PCDHA11: variants seen among roughly 807,000 people sequenced by gnomAD.
PCDHA11 encodes the protein protocadherin alpha 11.
A neutral mutation model predicts 70.3 loss-of-function variants in PCDHA11; 61 were observed. The ratio of observed to expected loss-of-function variants is 0.87; its 90% CI spans 0.71 to 1.07. PCDHA11 has a LOEUF of 1.07. Ranked by LOEUF, PCDHA11 falls within the 50% of genes least tolerant of loss-of-function variation. PCDHA11 has a pLI of 0.00. For missense variants in PCDHA11, 1,324 were observed against 1,237.5 expected (o/e 1.07, Z -1.05); for synonymous variants, 633 against 555.1 (o/e 1.14, Z -1.97).
In PCDHA11 at chr5:140,870,099, C is replaced by T; in HGVS notation, c.996C>T (p.His332=). 5.0e-6 allele frequency: 8 copies of T among 1,613,912 alleles called. No individual in the cohort carries two copies. The highest frequency in any genetic ancestry group is 6.8e-6 in the Non-Finnish European group (8 of 1,179,888). The stretch of plus-strand genomic sequence containing the variant: ...AGGGGACTCCCCCAATGGCAGGTCA[C>T]TGTACAGTCTGGGTGGAAATCTTGG... The part of the protein sequence containing the change: ...TDKGTPPMAG[H]CTVWVEILDT... Residue 332 remains histidine (H), a synonymous_variant, in exon 1 of 4, where the codon CAC becomes CAT. Transcript: ENST00000398640.
chr5:140,968,979 G>A (rs782482075), intron 1 of PCDHA11: 6 of 1,614,042 alleles, frequency 3.7e-6, no homozygotes, highest in South Asian at 3.3e-5. Context: ...ACTGCGTATG[G>A]CACTGCATGC....
chr5:140,892,384 A>T (rs1313796499), intron 1 of PCDHA11, among the ~76,000 whole-genome samples: 1 of 152,162 alleles, frequency 6.6e-6, no homozygotes, highest in Non-Finnish European at 1.5e-5. Flanking sequence ...AATCATGGGT[A>T]ATCTTAATCT....
In PCDHA11 at chr5:140,882,900, T is replaced by C. The variant is rs151159619; in HGVS notation, c.2391+11406T>C. 8.7e-6 allele frequency: 14 copies of C among 1,614,106 alleles called. No individual in the cohort carries two copies. In the African/African-American group the frequency reaches 1.2e-4, roughly 14 times the overall value. The stretch of plus-strand genomic sequence containing the variant: ...GAGGAAATTCAGGAACATAGTTTAT[T>C]ACTGACAGCCAGTGATGGAGGTAAA... On this transcript the variant is annotated intron_variant, in intron 1 of 3. Transcript: ENST00000398640.
intron 1 of PCDHA11, among the ~76,000 whole-genome samples, chr5:140,972,741 G>T (rs1453484254): frequency 6.9e-6 from 1 of 145,350 alleles, no homozygotes; most frequent in Non-Finnish European, 1.5e-5. Context: ...CCGGCTCACT[G>T]CAACCTCCGC....
intron 1 of PCDHA11, among the ~76,000 whole-genome samples, chr5:140,959,063 A>G (rs190067147): frequency 2.0e-5 from 3 of 152,292 alleles, no homozygotes; most frequent in Admixed American, 2.0e-4. Flanking sequence ...TGCAGTATAT[A>G]TAGAATTCAG....
chr5:140,985,619 G>C (rs961379624), intron 3 of PCDHA11, among the ~76,000 whole-genome samples: 2 of 152,064 alleles, frequency 1.3e-5, no homozygotes, highest in African/African-American at 2.4e-5. Context: ...TGAACCAGCT[G>C]TGTATTGCTC....
intron 1 of PCDHA11, among the ~76,000 whole-genome samples, chr5:140,972,181 AC>A: frequency 6.6e-6 from 1 of 152,234 alleles, no homozygotes; most frequent in Admixed American, 6.5e-5. Flanking sequence ...TTGGCCTGTC[AC>A]CCAGGCTGGA....
intron 1 of PCDHA11, among the ~76,000 whole-genome samples, chr5:140,947,220 T>A (rs531697572): frequency 6.6e-6 from 1 of 151,686 alleles, no homozygotes; most frequent in East Asian, 1.9e-4. Flanking sequence ...ATCCTGTCAT[T>A]TATGACAGGA....
chr5:140,883,569 C>T (rs781786717), intron 1 of PCDHA11: 3 of 1,614,134 alleles, frequency 1.9e-6, no homozygotes, highest in Non-Finnish European at 2.5e-6. Flanking sequence ...GGCTCGCCTT[C>T]GCTGTGGGCC....
chr5:140,977,640 G>A (rs2096769670), intron 1 of PCDHA11, among the ~76,000 whole-genome samples: 1 of 152,124 alleles, frequency 6.6e-6, no homozygotes, highest in South Asian at 2.1e-4. Flanking sequence ...CTTTTTCTGG[G>A]CCTTGACTTT....
intron 1 of PCDHA11, among the ~76,000 whole-genome samples, chr5:140,941,259 T>TTCTTTC (rs1554214225): frequency 1.2e-3 from 146 of 121,812 alleles, no homozygotes; most frequent in African/African-American, 3.7e-3. Flanking sequence ...TTCTTTCTCT[T>TTCTTTC]TCTTTCTTTC....
chr5:140,926,424 G>A (rs894649962), intron 1 of PCDHA11: 2 of 153,468 alleles, frequency 1.3e-5, no homozygotes, highest in African/African-American at 4.8e-5. Context: ...AGAGGATGTG[G>A]AGGTTAAGAT....
intron 1 of PCDHA11, among the ~76,000 whole-genome samples, chr5:140,906,351 C>A (rs966982758): frequency 3.9e-5 from 6 of 152,128 alleles, no homozygotes; most frequent in Non-Finnish European, 5.9e-5. Context: ...CAAGAATGCA[C>A]CAATTCCCAA....
Position 140,876,841 on chromosome 5 carries a change from C to T in PCDHA11, c.2391+5347C>T, listed in dbSNP as rs782712356. ...GAACGACAATGCGCCTGCGTTCGCGCAGCCCGAGTACACAGTGTTCGTGAA... is the reference window on the plus strand; with the variant it reads ...GAACGACAATGCGCCTGCGTTCGCGTAGCCCGAGTACACAGTGTTCGTGAA... On this transcript the variant is annotated intron_variant, in intron 1 of 3. Transcript: ENST00000398640. 4.3e-6 allele frequency: 7 copies of T among 1,614,130 alleles called. No homozygotes were observed. In the South Asian group the frequency reaches 7.7e-5, roughly 18 times the overall value.
chr5:140,888,239 C>G (rs1361679058), intron 1 of PCDHA11, among the ~76,000 whole-genome samples: 3 of 151,992 alleles, frequency 2.0e-5, no homozygotes, highest in Non-Finnish European at 4.4e-5. Flanking sequence ...TGTGCGTGTT[C>G]CTTTAAAGCA....
intron 1 of PCDHA11, among the ~76,000 whole-genome samples, chr5:140,941,150 G>A (rs894422349): frequency 1.1e-4 from 17 of 151,436 alleles, no homozygotes; most frequent in Non-Finnish European, 1.8e-4. Context: ...TAGTTTGGAG[G>A]CCCCATAAGA....
rs151249575 is a variant in PCDHA11, at chr5:140,920,220, T to TTATA, written c.2391+48727_2391+48730dup. 8.8e-3 allele frequency among the ~76,000 whole-genome samples: 1,344 copies of TTATA among 152,322 alleles called. 13 individuals carry two copies. The highest frequency in any genetic ancestry group is 0.031 in the African/African-American group (1,300 of 41,558). On this transcript the variant is annotated intron_variant, in intron 1 of 3. Coordinates refer to ENST00000398640, the MANE Select transcript of PCDHA11 (RefSeq NM_018902.5). ...GCAGCCACAGAAAACCAATGCACAT[T>TTATA]TATAGTATTATATACCCAACAATAC...
At chr5:140,922,144 A>C (rs906517842) in intron 1 of PCDHA11, among the ~76,000 whole-genome samples, 5 of 151,922 alleles carry the variant, frequency 3.3e-5, no homozygotes, top group African/African-American at 1.2e-4. Flanking sequence ...TCCTCCATGA[A>C]ACTCATCAAA....
chr5:140,967,786 G>A, intron 1 of PCDHA11: 1 of 1,614,216 alleles, frequency 6.2e-7, no homozygotes, highest in East Asian at 2.2e-5. Context: ...CGACTGACCG[G>A]GGTCCAGTGC....
Sources: gnomAD v4.1 joint callset for allele counts (sites outside exome capture counted in the v4.1 genomes callset) on GRCh38, gnomAD v4.1.1 for gene constraint, MANE v1.5 for transcripts, NCBI Gene and HGNC (gene_info 2026-07-23, HGNC 2026-07-21) for gene names.